Variants in SRBD1 observed in about 807,000 individuals in gnomAD.
SRBD1 encodes S1 RNA binding domain 1, also known as S1 RNA-binding domain-containing protein 1.
Under a neutral mutation model 115.3 loss-of-function variants are expected in SRBD1, and 88 were observed. The ratio of observed to expected loss-of-function variants is 0.76; its 90% CI spans 0.64 to 0.91. The LOEUF (loss-of-function observed/expected upper bound fraction) is 0.91, where lower values mean the gene tolerates loss of function less well. Among genes scored for constraint, SRBD1 ranks in the 40% least tolerant of loss-of-function variants. The probability of loss-of-function intolerance (pLI) is 0.00; values close to 1 mark genes in which losing one functional copy is unlikely to be tolerated. For synonymous variants in SRBD1, 509 were observed against 407.7 expected, an observed-to-expected ratio of 1.25 and a Z score of -2.99; for missense variants, 1,385 against 1,177.4, an observed-to-expected ratio of 1.18 and a Z score of -2.58.
At chr2:45,434,391 C>T (rs1250082431) in intron 16 of SRBD1, among the ~76,000 whole-genome samples, 5 of 152,180 alleles carry the variant, frequency 3.3e-5, no homozygotes, top group African/African-American at 1.2e-4. Flanking sequence ...AATCTCCATT[C>T]ACCTCACAAA....
intron 9 of SRBD1, among the ~76,000 whole-genome samples, chr2:45,568,182 T>C (rs1355142247): frequency 1.3e-5 from 2 of 152,150 alleles, no homozygotes; most frequent in East Asian, 3.8e-4. Context: ...AGTTACAAAT[T>C]CATGTGGTAG....
intron 14 of SRBD1, 118 bp downstream of exon 14, chr2:45,546,614 G>A (rs1259601933): frequency 1.0e-6 from 1 of 982,638 alleles, no homozygotes. Context: ...AACACCAAGA[G>A]GTGGTCTGGA....
rs753480105 is a variant in SRBD1, at chr2:45,573,245, G to T, written c.1267C>A (p.His423Asn). 13 of 1,610,598 alleles carry T rather than the reference G, an allele frequency of 8.1e-6. No homozygotes were observed. In the African/African-American group the frequency reaches 1.6e-4, roughly 20 times the overall value. The stretch of plus-strand genomic sequence containing the variant: ...ATGTTTCTTATGTTGCAGGAAAAAT[G>T]CTGGTAGAGCAGAAACTTATCAACA... The part of the protein sequence containing the change: ...KDVDKFLLYQ[H>N]FSCNIRNIHH... The change falls in exon 9 of 21, where the codon CAT becomes AAT. Residue 423 changes from histidine to asparagine, a missense_variant. Transcript: ENST00000263736.
intron 10 of SRBD1, among the ~76,000 whole-genome samples, chr2:45,559,448 T>C (rs1672591019): frequency 6.6e-6 from 1 of 152,222 alleles, no homozygotes; most frequent in Non-Finnish European, 1.5e-5. Flanking sequence ...CTTTTCTTCT[T>C]CTTACTACAC....
rs547069031 is a variant in SRBD1 at position 45,496,461 on chromosome 2, A to T, written c.1875-8130T>A. Reference sequence around the variant, plus strand: ...AACAGAAAAAAAGCAAAATGAAACAACAGTAAAAAGTAAAATAATAATAAT... The same window carrying T: ...AACAGAAAAAAAGCAAAATGAAACATCAGTAAAAAGTAAAATAATAATAAT... On this transcript the variant is annotated intron_variant, in intron 14 of 20. Coordinates refer to ENST00000263736, the MANE Select transcript of SRBD1 (RefSeq NM_018079.5). 7.9e-5 allele frequency among the ~76,000 whole-genome samples: 12 copies of T among 152,276 alleles called. No homozygotes were observed. The East Asian group carries it at 1.9e-3, about 24-fold the overall frequency.
chr2:45,511,451 GTTCATGAACTTCCCCCAAAAAGTTCTAAA>G (rs1330510662), intron 14 of SRBD1, among the ~76,000 whole-genome samples: 1 of 152,140 alleles, frequency 6.6e-6, no homozygotes, highest in Non-Finnish European at 1.5e-5. Context: ...AGCTATGAGT[GTTCATGAACTTCCCCCAAAAAGTTCTAAA>G]ACTTTATGTC....
intron 16 of SRBD1, among the ~76,000 whole-genome samples, chr2:45,429,574 G>C (rs1269563241): frequency 1.3e-5 from 2 of 152,062 alleles, no homozygotes; most frequent in African/African-American, 4.8e-5. Context: ...TGCAGAAAAG[G>C]CCTTTGATAA....
chr2:45,499,927 G>A (rs1191863099), intron 14 of SRBD1, among the ~76,000 whole-genome samples: 1 of 152,152 alleles, frequency 6.6e-6, no homozygotes, highest in Admixed American at 6.6e-5. Flanking sequence ...ATCAGGTAGT[G>A]TGATGCCTTC....
rs747001474 is a variant in SRBD1, at chr2:45,579,883, T to C, written c.1064A>G (p.Asp355Gly). The C allele has an allele frequency of 3.2e-6, 5 of 1,578,966 alleles. No individual in the cohort carries two copies. The highest frequency in any genetic ancestry group is 4.3e-6 in the Non-Finnish European group (5 of 1,167,642). The change falls in exon 7 of 21, where the codon GAC becomes GGC. Residue 355 changes from aspartate to glycine, a missense_variant. Transcript: ENST00000263736. The stretch of plus-strand genomic sequence containing the variant: ...GTAAATAAAGCCAGTACCTTTAACG[T>C]CAGGCCTAATGTACGATAGCAGACT... ...ELSLLSYIRP[D>G]VKGLSTLQDI... is the part of the protein sequence containing the mutation.
intron 14 of SRBD1, among the ~76,000 whole-genome samples, chr2:45,521,570 C>A (rs1671284304): frequency 6.6e-6 from 1 of 151,946 alleles, no homozygotes; most frequent in Non-Finnish European, 1.5e-5. Context: ...TAAAATGGTG[C>A]AGCCATTATG....
intron 14 of SRBD1, among the ~76,000 whole-genome samples, chr2:45,536,600 G>A (rs1671771380): frequency 6.6e-6 from 1 of 152,020 alleles, no homozygotes; most frequent in African/African-American, 2.4e-5. Flanking sequence ...TTGACATGAG[G>A]AATTTTAATT....
intron 16 of SRBD1, among the ~76,000 whole-genome samples, chr2:45,449,579 C>T (rs1308673721): frequency 6.6e-6 from 1 of 152,072 alleles, no homozygotes; most frequent in Non-Finnish European, 1.5e-5. Context: ...TGTATGATAA[C>T]AAGGGTGTGA....
chr2:45,404,248 G>A (rs541542692), intron 19 of SRBD1, among the ~76,000 whole-genome samples: 10 of 152,092 alleles, frequency 6.6e-5, no homozygotes, highest in Non-Finnish European at 1.3e-4. Context: ...GGGAGAGACG[G>A]GTTCAGATTT....
chr2:45,475,993 C>T (rs548832160), intron 16 of SRBD1, among the ~76,000 whole-genome samples: 1 of 152,250 alleles, frequency 6.6e-6, no homozygotes, highest in Non-Finnish European at 1.5e-5. Flanking sequence ...GCCACTGCAC[C>T]TAGCCAGTTG....
At chr2:45,592,474 T>C (rs991220426) in intron 4 of SRBD1, among the ~76,000 whole-genome samples, 2 of 152,158 alleles carry the variant, frequency 1.3e-5, no homozygotes, top group South Asian at 2.1e-4. Context: ...CAGTGCCTGC[T>C]TGGGTCTCTT....
intron 5 of SRBD1, 90 bp downstream of exon 5, chr2:45,585,518 A>C: frequency 2.2e-6 from 3 of 1,392,146 alleles, no homozygotes; most frequent in Non-Finnish European, 2.9e-6. Context: ...AAAATGTTGA[A>C]ATTGTCAAAT....
chr2:45,574,514 TA>T (rs1673116843), intron 8 of SRBD1, 112 bp downstream of exon 8: 133 of 924,664 alleles, frequency 1.4e-4, no homozygotes, highest in Non-Finnish European at 1.7e-4. Flanking sequence ...TTTGCTACTT[TA>T]AAAAAAAGTC....
At chr2:45,598,216 C>T (rs1416250628) in intron 4 of SRBD1, among the ~76,000 whole-genome samples, 1 of 152,080 alleles carries the variant, frequency 6.6e-6, no homozygotes, top group African/African-American at 2.4e-5. Context: ...TCTGTTTTTC[C>T]AAGATACCTT....
chr2:45,594,632 A>T (rs1270989385), intron 4 of SRBD1, among the ~76,000 whole-genome samples: 2 of 152,244 alleles, frequency 1.3e-5, no homozygotes, highest in East Asian at 3.8e-4. Flanking sequence ...CAGGAAATAG[A>T]AACAAAATAC....
Sources: gnomAD v4.1 joint callset for allele counts (sites outside exome capture counted in the v4.1 genomes callset) on GRCh38, gnomAD v4.1.1 for gene constraint, MANE v1.5 for transcripts, NCBI Gene and HGNC (gene_info 2026-07-23, HGNC 2026-07-21) for gene names.